The following TRPM3 variants were observed in gnomAD, a reference collection of about 807,000 sequenced individuals.
TRPM3 encodes transient receptor potential cation channel subfamily M member 3, also known as long transient receptor potential channel 3.
In TRPM3, 77 loss-of-function variants were observed where a neutral mutation model predicts 181.2. That is an observed-to-expected ratio of 0.42 (90% CI 0.35 to 0.51). The LOEUF (loss-of-function observed/expected upper bound fraction) is 0.51. Among genes scored for constraint, TRPM3 ranks in the 20% least tolerant of loss-of-function variants. The probability of loss-of-function intolerance (pLI) is 0.01; values close to 1 mark genes in which losing one functional copy is unlikely to be tolerated. For missense variants in TRPM3, 1,759 were observed against 2,196.7 expected (o/e 0.80, Z 3.98); for synonymous variants, 745 against 796.4 (o/e 0.94, Z 1.09).
At chr9:70,583,035 T>A (rs1312252397) in intron 22 of TRPM3, among the ~76,000 whole-genome samples, 1 of 152,178 alleles carries the variant, frequency 6.6e-6, no homozygotes, top group Non-Finnish European at 1.5e-5. Flanking sequence ...CTTCCTATAT[T>A]TCAAGCAGGT....
intron 9 of TRPM3, among the ~76,000 whole-genome samples, chr9:70,651,419 T>C (rs1218794285): frequency 6.6e-6 from 1 of 152,204 alleles, no homozygotes; most frequent in African/African-American, 2.4e-5. Flanking sequence ...TCCTGTAGTC[T>C]ACTACAATGT....
intron 1 of TRPM3, among the ~76,000 whole-genome samples, chr9:71,157,263 A>T (rs1257366814): frequency 6.6e-6 from 1 of 152,184 alleles, no homozygotes; most frequent in Admixed American, 6.6e-5. Context: ...AAGGCAAAGA[A>T]TATTTTTACT....
At chr9:71,319,049 T>C (rs959725615) in intron 1 of TRPM3, among the ~76,000 whole-genome samples, 2 of 29,308 alleles carry the variant, frequency 6.8e-5, no homozygotes, top group Non-Finnish European at 2.5e-4. Context: ...ACCAATTTTG[T>C]CCCATGTATC....
intron 1 of TRPM3, among the ~76,000 whole-genome samples, chr9:71,169,027 G>T (rs1271107706): frequency 1.3e-5 from 2 of 152,152 alleles, no homozygotes; most frequent in African/African-American, 4.8e-5. Flanking sequence ...TGAAGGGCAG[G>T]TTGTATCAGG....
At chr9:71,312,992 G>T (rs2088125371) in intron 1 of TRPM3, among the ~76,000 whole-genome samples, 1 of 152,068 alleles carries the variant, frequency 6.6e-6, no homozygotes, top group Admixed American at 6.6e-5. Flanking sequence ...ATACACATTT[G>T]CCAAAACTCA....
intron 8 of TRPM3, among the ~76,000 whole-genome samples, chr9:70,740,856 C>G (rs1343098107): frequency 6.6e-6 from 1 of 152,160 alleles, no homozygotes; most frequent in East Asian, 1.9e-4. Flanking sequence ...GAAACCACAA[C>G]AGTTCTAGGA....
intron 22 of TRPM3, among the ~76,000 whole-genome samples, chr9:70,589,657 A>C (rs2132504161): frequency 6.6e-6 from 1 of 152,308 alleles, no homozygotes; most frequent in South Asian, 2.1e-4. Flanking sequence ...TCAGCCAAAG[A>C]TATTACAACC....
At chr9:71,088,451 G>A (rs1206530341) in intron 1 of TRPM3, among the ~76,000 whole-genome samples, 1 of 151,928 alleles carries the variant, frequency 6.6e-6, no homozygotes, top group Non-Finnish European at 1.5e-5. Context: ...AATACACTTG[G>A]GAACCAACAT....
chr9:71,054,206 C>G (rs780744092), intron 1 of TRPM3, among the ~76,000 whole-genome samples: 5 of 152,102 alleles, frequency 3.3e-5, no homozygotes, highest in Non-Finnish European at 7.4e-5. Flanking sequence ...TTACCCAAGA[C>G]CACCCAGTGG....
At chr9:70,642,370 T>C (rs551599456) in intron 9 of TRPM3, among the ~76,000 whole-genome samples, 39 of 152,340 alleles carry the variant, frequency 2.6e-4, no homozygotes, top group Non-Finnish European at 4.4e-4. Context: ...TCTTCATCAT[T>C]GCTGCTTCTG....
chr9:71,146,856 C>T (rs1325073654), intron 1 of TRPM3, among the ~76,000 whole-genome samples: 3 of 152,318 alleles, frequency 2.0e-5, no homozygotes, highest in East Asian at 3.9e-4. Context: ...CAGCAATAAT[C>T]ATGCAACCCA....
At chr9:70,675,959 C>T (rs1457670979) in intron 9 of TRPM3, among the ~76,000 whole-genome samples, 2 of 152,204 alleles carry the variant, frequency 1.3e-5, no homozygotes, top group African/African-American at 4.8e-5. Context: ...ACTTTATTCA[C>T]ATTTTCTTAG....
chr9:70,926,736 G>A (rs929096048), intron 1 of TRPM3, among the ~76,000 whole-genome samples: 1 of 152,212 alleles, frequency 6.6e-6, no homozygotes, highest in Non-Finnish European at 1.5e-5. Context: ...AGATGCATCT[G>A]ATGGACTTGG....
chr9:70,590,845 A>C (rs2057996256), intron 22 of TRPM3, 186 bp downstream of exon 22: 2 of 688,538 alleles, frequency 2.9e-6, no homozygotes, highest in Non-Finnish European at 4.9e-6. Flanking sequence ...GAAATACCCA[A>C]GAACTACTTT....
intron 22 of TRPM3, among the ~76,000 whole-genome samples, chr9:70,572,107 C>T (rs1190219148): frequency 1.5e-5 from 2 of 133,332 alleles, no homozygotes; most frequent in African/African-American, 3.1e-5. Flanking sequence ...TATTTCTTCC[C>T]AGTTACTTGT....
At chr9:71,228,478 A>T (rs1405764749) in intron 1 of TRPM3, among the ~76,000 whole-genome samples, 1 of 152,186 alleles carries the variant, frequency 6.6e-6, no homozygotes, top group East Asian at 1.9e-4. Flanking sequence ...TACCTAGAGC[A>T]ATCAGACAAG....
At chr9:70,948,275 C>T (rs1370672794) in intron 1 of TRPM3, among the ~76,000 whole-genome samples, 3 of 149,186 alleles carry the variant, frequency 2.0e-5, no homozygotes, top group African/African-American at 7.7e-5. Context: ...AACCCCTTCT[C>T]AAATATAAAT....
At chr9:71,199,120 A>T (rs2078603851) in intron 1 of TRPM3, among the ~76,000 whole-genome samples, 1 of 151,582 alleles carries the variant, frequency 6.6e-6, no homozygotes, top group South Asian at 2.1e-4. Context: ...TTCTGCATCT[A>T]TTGAGATAAT....
intron 1 of TRPM3, among the ~76,000 whole-genome samples, chr9:71,135,228 A>G (rs2074691476): frequency 6.6e-6 from 1 of 152,154 alleles, no homozygotes; most frequent in South Asian, 2.1e-4. Context: ...TCAGCTCCCT[A>G]TTCCTCTTTA....
Sources: allele counts gnomAD v4.1 joint callset (sites outside exome capture counted in the v4.1 genomes callset), GRCh38; gene constraint gnomAD v4.1.1; transcripts MANE v1.5; gene names NCBI Gene and HGNC (gene_info 2026-07-23, HGNC 2026-07-21).